The following FGGY variants were observed in gnomAD, a reference collection of about 807,000 sequenced individuals.
The protein encoded by FGGY is FGGY carbohydrate kinase domain containing.
A neutral mutation model predicts 71.3 loss-of-function variants in FGGY; 72 were observed. The ratio of observed to expected loss-of-function variants is 1.01; its 90% CI spans 0.84 to 1.23. The LOEUF (loss-of-function observed/expected upper bound fraction) is 1.23. FGGY is among the 50% of genes most tolerant of loss of function. FGGY has a pLI of 0.00. For synonymous variants in FGGY, 251 were observed against 250.3 expected (o/e 1.00, Z -0.02); for missense variants, 668 against 682.3 (o/e 0.98, Z 0.23).
At chr1:59,751,874 G>A (rs2098247981) in intron 14 of FGGY, among the ~76,000 whole-genome samples, 1 of 152,150 alleles carries the variant, frequency 6.6e-6, no homozygotes, top group Admixed American at 6.5e-5. Context: ...TTAGCTGCTT[G>A]TCCATTTTGT....
chr1:59,721,107 A>G (rs1459517727), intron 14 of FGGY, among the ~76,000 whole-genome samples: 3 of 152,038 alleles, frequency 2.0e-5, no homozygotes, highest in Admixed American at 6.6e-5. Flanking sequence ...TAGTCACCCT[A>G]TACAAACTGC....
chr1:59,404,219 A>G (rs2062402784), intron 5 of FGGY, among the ~76,000 whole-genome samples: 1 of 152,082 alleles, frequency 6.6e-6, no homozygotes, highest in East Asian at 1.9e-4. Context: ...GGGCGGGGCC[A>G]CAGGAGGGAG....
chr1:59,392,490 G>A (rs1407441637), intron 5 of FGGY, among the ~76,000 whole-genome samples: 1 of 152,050 alleles, frequency 6.6e-6, no homozygotes, highest in Non-Finnish European at 1.5e-5. Context: ...GCTTGGAGTG[G>A]GTGATTTATT....
chr1:59,467,863 G>A (rs56759111), intron 6 of FGGY, among the ~76,000 whole-genome samples: 3,001 of 151,512 alleles, frequency 0.02, 106 homozygotes, highest in African/African-American at 0.07. Context: ...TAAGTCCCTT[G>A]TTGGCTTCAA....
At chr1:59,313,991 T>C (rs1360783500) in intron 1 of FGGY, among the ~76,000 whole-genome samples, 2 of 151,740 alleles carry the variant, frequency 1.3e-5, no homozygotes, top group Admixed American at 1.3e-4. Context: ...AGACAGAATC[T>C]CGCTTTGTTG....
At chr1:59,700,534 T>A (rs1396368775) in intron 14 of FGGY, among the ~76,000 whole-genome samples, 1 of 152,202 alleles carries the variant, frequency 6.6e-6, no homozygotes, top group Non-Finnish European at 1.5e-5. Flanking sequence ...TAGTTTTTCC[T>A]TGAACTGCTT....
chr1:59,675,813 T>A (rs1046457001), intron 14 of FGGY, among the ~76,000 whole-genome samples: 2 of 152,156 alleles, frequency 1.3e-5, no homozygotes, highest in African/African-American at 2.4e-5. Context: ...AACTGAATAT[T>A]TGTATTCCTG....
intron 8 of FGGY, among the ~76,000 whole-genome samples, chr1:59,587,017 G>C (rs1226306589): frequency 1.3e-5 from 2 of 152,348 alleles, no homozygotes; most frequent in African/African-American, 2.4e-5. Context: ...AAGCACAAGG[G>C]GTCAGGGAGT....
chr1:59,589,038 G>A (rs2096371939), intron 8 of FGGY, among the ~76,000 whole-genome samples: 2 of 152,126 alleles, frequency 1.3e-5, no homozygotes, highest in African/African-American at 4.8e-5. Flanking sequence ...CTGTATTCAG[G>A]AAACCCAGCT....
chr1:59,436,722 G>A (rs2068553636), intron 5 of FGGY, among the ~76,000 whole-genome samples: 1 of 152,182 alleles, frequency 6.6e-6, no homozygotes, highest in Non-Finnish European at 1.5e-5. Context: ...TCTCTTTGTA[G>A]ATCTCAGCCT....
chr1:59,713,280 C>T lies in FGGY; in HGVS notation c.1512+39147C>T, dbSNP rs193170141. Reference sequence around the variant, plus strand: ...CCATTCAACAAGTCTCTAGGAAGTTCGAAACTTTCCCACATCTTCCTGTCT... The same window carrying T: ...CCATTCAACAAGTCTCTAGGAAGTTTGAAACTTTCCCACATCTTCCTGTCT... On this transcript the variant is annotated intron_variant, in intron 14 of 15. Transcript: ENST00000303721. 3.0e-4 allele frequency among the ~76,000 whole-genome samples: 46 copies of T among 152,162 alleles called. 1 individual carries two copies. Among genetic ancestry groups the T allele is most frequent in the Admixed American group, 3.9e-4 (6 of 15,282 alleles).
At chr1:59,385,240 A>G (rs148256629) in intron 5 of FGGY, among the ~76,000 whole-genome samples, 2 of 152,106 alleles carry the variant, frequency 1.3e-5, no homozygotes, top group African/African-American at 4.8e-5. Context: ...CCTCCGAAAT[A>G]TGGCAGCTAC....
intron 14 of FGGY, among the ~76,000 whole-genome samples, chr1:59,720,282 G>T (rs1445080286): frequency 2.6e-5 from 4 of 152,134 alleles, no homozygotes; most frequent in Non-Finnish European, 5.9e-5. Flanking sequence ...TCTTGCTTTC[G>T]GATTCATGCC....
At chr1:59,666,475 A>T (rs972121258) in intron 12 of FGGY, among the ~76,000 whole-genome samples, 1 of 152,224 alleles carries the variant, frequency 6.6e-6, no homozygotes, top group African/African-American at 2.4e-5. Flanking sequence ...CAGATGTTCA[A>T]CTATCCTATC....
chr1:59,371,552 C>G (rs999830559), intron 4 of FGGY, among the ~76,000 whole-genome samples: 1 of 152,188 alleles, frequency 6.6e-6, no homozygotes, highest in Non-Finnish European at 1.5e-5. Context: ...CTGCAACAAG[C>G]AGACCTAATA....
At chr1:59,314,651 G>C (rs17119234) in intron 1 of FGGY, among the ~76,000 whole-genome samples, 7,579 of 152,230 alleles carry the variant, frequency 0.05, 613 homozygotes, top group African/African-American at 0.17. Flanking sequence ...TGGTGACCCT[G>C]ATATTGATTT....
chr1:59,597,942 G>T (rs2096539865), intron 8 of FGGY, among the ~76,000 whole-genome samples: 1 of 152,180 alleles, frequency 6.6e-6, no homozygotes, highest in African/African-American at 2.4e-5. Flanking sequence ...TCTGACTCAG[G>T]ATCCACCTCA....
intron 7 of FGGY, among the ~76,000 whole-genome samples, chr1:59,537,489 A>G (rs1433494695): frequency 6.6e-6 from 1 of 152,210 alleles, no homozygotes; most frequent in Non-Finnish European, 1.5e-5. Flanking sequence ...CAGAATTGGA[A>G]AAAACTACTT....
At chr1:59,564,664 A>G (rs1212180155) in intron 8 of FGGY, among the ~76,000 whole-genome samples, 1 of 152,230 alleles carries the variant, frequency 6.6e-6, no homozygotes, top group Non-Finnish European at 1.5e-5. Flanking sequence ...GGGAACTGGA[A>G]CTCACATGCC....
Sources: gnomAD v4.1 joint callset for allele counts (sites outside exome capture counted in the v4.1 genomes callset) on GRCh38, gnomAD v4.1.1 for gene constraint, MANE v1.5 for transcripts, NCBI Gene and HGNC (gene_info 2026-07-23, HGNC 2026-07-21) for gene names.